HMGCLL1: variants seen among roughly 807,000 people sequenced by gnomAD.
HMGCLL1 encodes 3-hydroxy-3-methylglutaryl-CoA lyase like 1.
A neutral mutation model predicts 39.1 loss-of-function variants in HMGCLL1; 36 were observed. The ratio of observed to expected loss-of-function variants is 0.92; its 90% CI spans 0.71 to 1.22. The LOEUF (loss-of-function observed/expected upper bound fraction) is 1.22. Ranked by LOEUF, HMGCLL1 falls within the 50% of genes most tolerant of loss-of-function variation. The pLI, the probability that HMGCLL1 is intolerant of heterozygous loss-of-function variation, is 0.00. For synonymous variants in HMGCLL1, 149 were observed against 144.0 expected (o/e 1.03, Z -0.25); for missense variants, 451 against 416.5 (o/e 1.08, Z -0.72).
At chr6:55,471,961 T>C (rs922501574) in intron 7 of HMGCLL1, among the ~76,000 whole-genome samples, 1 of 151,738 alleles carries the variant, frequency 6.6e-6, no homozygotes, top group African/African-American at 2.4e-5. Context: ...TCATTCAACA[T>C]GTTGTTTTGA....
At chr6:55,502,953 T>A (rs1766969167) in intron 5 of HMGCLL1, among the ~76,000 whole-genome samples, 1 of 142,646 alleles carries the variant, frequency 7.0e-6, no homozygotes, top group Non-Finnish European at 1.5e-5. Context: ...TTTTTCAGAT[T>A]GTTCTGTTAC....
chr6:55,567,907 C>T (rs999051646), intron 1 of HMGCLL1, among the ~76,000 whole-genome samples: 7 of 152,104 alleles, frequency 4.6e-5, no homozygotes, highest in African/African-American at 1.4e-4. Context: ...CAGCTCCGGT[C>T]CCTTCATTAT....
chr6:55,577,317 A>T, intron 1 of HMGCLL1: 1 of 1,128,502 alleles, frequency 8.9e-7, no homozygotes, highest in Non-Finnish European at 1.2e-6. Context: ...AAAGAAGCAT[A>T]ACTCTGGAGG....
chr6:55,498,069 T>C (rs1766673522), intron 6 of HMGCLL1, among the ~76,000 whole-genome samples: 1 of 152,166 alleles, frequency 6.6e-6, no homozygotes, highest in South Asian at 2.1e-4. Flanking sequence ...TACATGACTC[T>C]GCAGTAGCAC....
intron 6 of HMGCLL1, among the ~76,000 whole-genome samples, chr6:55,498,556 T>C (rs1766707905): frequency 1.3e-5 from 2 of 152,150 alleles, no homozygotes; most frequent in Admixed American, 1.3e-4. Context: ...TTAATAAATT[T>C]GTCAAAATTA....
At chr6:55,533,884 T>C (rs866468268) in intron 3 of HMGCLL1, among the ~76,000 whole-genome samples, 2 of 19,360 alleles carry the variant, frequency 1.0e-4, no homozygotes, top group Non-Finnish European at 1.5e-4. Context: ...AGACTCCGTC[T>C]CAAAAAAAAA....
At chr6:55,520,320 C>G (rs1382347894) in intron 3 of HMGCLL1, among the ~76,000 whole-genome samples, 2 of 150,370 alleles carry the variant, frequency 1.3e-5, no homozygotes. Flanking sequence ...TAATGAAGTT[C>G]CCAGATCATG....
chr6:55,585,496 G>T, the HMGCLL1 span, among the ~76,000 whole-genome samples: 3 of 152,026 alleles, frequency 2.0e-5, no homozygotes, highest in Admixed American at 1.3e-4. Flanking sequence ...ATTTTGGTGG[G>T]TTATAATAAG....
chr6:55,632,706 T>G, the HMGCLL1 span, among the ~76,000 whole-genome samples: 1 of 152,084 alleles, frequency 6.6e-6, no homozygotes, highest in Non-Finnish European at 1.5e-5. Context: ...TAGCACCTGT[T>G]ATATCATAAT....
At chr6:55,499,163 T>C in intron 6 of HMGCLL1, 73 bp downstream of exon 6, 1 of 1,213,544 alleles carries the variant, frequency 8.2e-7, no homozygotes, top group Non-Finnish European at 1.2e-6. Context: ...TCAATAAATA[T>C]TAAGAAAGCC....
the HMGCLL1 span, among the ~76,000 whole-genome samples, chr6:55,668,732 C>T: frequency 1.2e-4 from 18 of 151,724 alleles, no homozygotes; most frequent in South Asian, 4.1e-4. Flanking sequence ...GCTCAGGGAA[C>T]AGGGAAGGAA....
the HMGCLL1 span, among the ~76,000 whole-genome samples, chr6:55,601,672 G>GT: frequency 1.2e-4 from 18 of 151,900 alleles, no homozygotes; most frequent in African/African-American, 4.3e-4. Flanking sequence ...TTTTTTCCTT[G>GT]TAAGTCCATT....
chr6:55,579,877 G>GA (rs1771941033), upstream of HMGCLL1, among the ~76,000 whole-genome samples: 1 of 152,148 alleles, frequency 6.6e-6, no homozygotes, highest in South Asian at 2.1e-4. Context: ...GAGAGGGTTT[G>GA]AAAAAATAGC....
chr6:55,585,988 T>G, the HMGCLL1 span, among the ~76,000 whole-genome samples: 1 of 152,262 alleles, frequency 6.6e-6, no homozygotes, highest in Non-Finnish European at 1.5e-5. Context: ...AGGATCTATA[T>G]ACAAAACATT....
intron 7 of HMGCLL1, among the ~76,000 whole-genome samples, chr6:55,451,273 G>T (rs1764068400): frequency 6.6e-6 from 1 of 152,126 alleles, no homozygotes; most frequent in Admixed American, 6.5e-5. Flanking sequence ...ATGATTGATT[G>T]ATTTAAAATG....
At chr6:55,662,189 A>C in the HMGCLL1 span, among the ~76,000 whole-genome samples, 1 of 151,510 alleles carries the variant, frequency 6.6e-6, no homozygotes, top group South Asian at 2.1e-4. Context: ...TCTTTTTCTT[A>C]ACTGATTGCT....
intron 7 of HMGCLL1, among the ~76,000 whole-genome samples, chr6:55,465,300 T>C (rs2127399210): frequency 6.6e-6 from 1 of 152,236 alleles, no homozygotes; most frequent in South Asian, 2.1e-4. Flanking sequence ...GTATGTCCAT[T>C]AATTATATAT....
intron 3 of HMGCLL1, among the ~76,000 whole-genome samples, chr6:55,524,537 T>C (rs991634719): frequency 2.0e-5 from 3 of 149,562 alleles, no homozygotes; most frequent in African/African-American, 7.4e-5. Flanking sequence ...TGGTTGGCCA[T>C]ATATCTCCTA....
chr6:55,613,612 T>A, the HMGCLL1 span, among the ~76,000 whole-genome samples: 1 of 152,074 alleles, frequency 6.6e-6, no homozygotes, highest in African/African-American at 2.4e-5. Flanking sequence ...AGGAATAAGA[T>A]CATGTCCTTT....
Sources: gnomAD v4.1 joint callset for allele counts (sites outside exome capture counted in the v4.1 genomes callset) on GRCh38, gnomAD v4.1.1 for gene constraint, MANE v1.5 for transcripts, NCBI Gene and HGNC (gene_info 2026-07-23, HGNC 2026-07-21) for gene names.